Variants in FBLN2 observed in about 807,000 individuals in gnomAD.
FBLN2 encodes fibulin-2.
Under a neutral mutation model 123.7 loss-of-function variants are expected in FBLN2, and 81 were observed. The ratio of observed to expected loss-of-function variants is 0.65; its 90% confidence interval spans 0.55 to 0.79. The LOEUF (loss-of-function observed/expected upper bound fraction) is 0.79. Ranked by LOEUF, FBLN2 falls within the 30% of genes least tolerant of loss-of-function variation. FBLN2 has a pLI of 0.00. For synonymous variants in FBLN2, 699 were observed against 701.4 expected (o/e 1.00, Z 0.05); for missense variants, 1,603 against 1,681.3 (o/e 0.95, Z 0.81).
At chr3:13,606,547 T>A (rs1705209967) in intron 2 of FBLN2, among the ~76,000 whole-genome samples, 1 of 152,244 alleles carries the variant, frequency 6.6e-6, no homozygotes, top group Admixed American at 6.5e-5. Flanking sequence ...CACATGTAAC[T>A]TTTGACTCCT....
At chr3:13,573,652 C>G (rs1324288298) in intron 2 of FBLN2, among the ~76,000 whole-genome samples, 1 of 152,276 alleles carries the variant, frequency 6.6e-6, no homozygotes, top group Non-Finnish European at 1.5e-5. Flanking sequence ...GCCTGTAATC[C>G]CAGCACTTTG....
intron 2 of FBLN2, among the ~76,000 whole-genome samples, chr3:13,593,131 C>T (rs1704729225): frequency 6.6e-6 from 1 of 152,170 alleles, no homozygotes; most frequent in Non-Finnish European, 1.5e-5. Context: ...ATAGATGCCA[C>T]TTCTCAATGG....
Position 13,571,316 on chromosome 3 carries a change from G to A in FBLN2, c.961G>A (p.Glu321Lys), listed in dbSNP as rs1035678107. Residue 321 changes from glutamate to lysine, a missense_variant, in exon 2 of 18, where the codon GAG (glutamate) becomes AAG (lysine). Transcript: ENST00000404922. Reference protein sequence around the residue: ...APAGPSLPIQEERAEAGARAE... With the variant: ...APAGPSLPIQKERAEAGARAE... The stretch of plus-strand genomic sequence containing the variant: ...AGCTGGACCCAGTCTTCCTATCCAG[G>A]AGGAGAGGGCAGAAGCTGGGGCAAG... The A allele has an allele frequency of 6.2e-7, 1 of 1,600,418 alleles. No homozygotes were observed. Among genetic ancestry groups the A allele is most frequent in the East Asian group, 2.3e-5 (1 of 44,250 alleles).
At chr3:13,584,912 G>C (rs532020351) in intron 2 of FBLN2, among the ~76,000 whole-genome samples, 2 of 152,328 alleles carry the variant, frequency 1.3e-5, no homozygotes, top group South Asian at 4.1e-4. Context: ...GTGGGAACTT[G>C]AGCATGGAGC....
intron 4 of FBLN2, 39 bp downstream of exon 4, chr3:13,609,681 G>A: frequency 6.6e-7 from 1 of 1,517,158 alleles, no homozygotes; most frequent in Non-Finnish European, 8.9e-7. Flanking sequence ...GGGTGGGGTG[G>A]GGCGGGGCGG....
intron 1 of FBLN2, among the ~76,000 whole-genome samples, chr3:13,559,705 C>CT (rs1559397877): frequency 6.6e-6 from 1 of 152,148 alleles, no homozygotes; most frequent in Non-Finnish European, 1.5e-5. Context: ...TCATTATGTG[C>CT]TTTTTTTGGT....
intron 2 of FBLN2, among the ~76,000 whole-genome samples, chr3:13,576,605 G>T (rs899311937): frequency 1.3e-5 from 2 of 152,200 alleles, no homozygotes; most frequent in African/African-American, 4.8e-5. Flanking sequence ...ATCTGAGCTG[G>T]CCAGGAACAG....
In FBLN2 at chr3:13,570,748, C is replaced by T; in HGVS notation, c.393C>T (p.Cys131=). Residue 131 remains cysteine (C), a synonymous_variant, in exon 2 of 18, where the codon TGC becomes TGT. Coordinates refer to ENST00000404922, the MANE Select transcript of FBLN2 (RefSeq NM_001004019.2). Reference sequence around the variant, plus strand: ...AGGCTGTAGTGGTGGCTGACAGCTGCCCACAGTGCGGCCAGGTGGGCTGCG... The same window carrying T: ...AGGCTGTAGTGGTGGCTGACAGCTGTCCACAGTGCGGCCAGGTGGGCTGCG... The part of the protein sequence containing the change: ...CIEAVVVADS[C]PQCGQVGCVH... 1 of 1,601,260 alleles carries T rather than the reference C, an allele frequency of 6.2e-7. No homozygotes were observed. The highest frequency in any genetic ancestry group is 8.5e-7 in the Non-Finnish European group (1 of 1,174,490).
At chr3:13,618,505 C>T (rs535578551) in intron 6 of FBLN2, among the ~76,000 whole-genome samples, 3 of 152,218 alleles carry the variant, frequency 2.0e-5, no homozygotes, top group African/African-American at 7.2e-5. Context: ...GGCCCCAGCA[C>T]CTTGTCCCAT....
chr3:13,568,812 G>A (rs1574948308), intron 1 of FBLN2: 2 of 985,626 alleles, frequency 2.0e-6, no homozygotes, highest in East Asian at 1.1e-4. Context: ...TTGCTCTTGG[G>A]TTTATTATCT....
intron 2 of FBLN2, among the ~76,000 whole-genome samples, chr3:13,601,317 A>T (rs889364399): frequency 6.6e-6 from 1 of 152,252 alleles, no homozygotes; most frequent in African/African-American, 2.4e-5. Context: ...AGCTGTGCAG[A>T]AGAGAGGATA....
intron 4 of FBLN2, 38 bp downstream of exon 4, chr3:13,609,680 G>GT: frequency 6.6e-7 from 1 of 1,519,828 alleles, no homozygotes; most frequent in East Asian, 2.5e-5. Context: ...AGGGTGGGGT[G>GT]GGGCGGGGCG....
chr3:13,594,956 C>G (rs2124861377), intron 2 of FBLN2, among the ~76,000 whole-genome samples: 1 of 152,314 alleles, frequency 6.6e-6, no homozygotes, highest in South Asian at 2.1e-4. Flanking sequence ...ATGCTTGGCT[C>G]AGGAGCCTGC....
At chr3:13,622,121 C>T (rs1434718271) in intron 9 of FBLN2, among the ~76,000 whole-genome samples, 1 of 152,194 alleles carries the variant, frequency 6.6e-6, no homozygotes, top group Non-Finnish European at 1.5e-5. Context: ...AGGCTGCTTT[C>T]CCCAGGGACG....
rs534066768 is a variant in FBLN2, at chr3:13,554,043, G to A, written c.-42+4835G>A. On this transcript the variant is annotated intron_variant, in intron 1 of 17. Transcript: ENST00000404922. Reference sequence around the variant, plus strand: ...GAGCATTGCCTGGGCCTGAGCCCCCGGAGCCTGCATCATGAGGGATTTGTC... The same window carrying A: ...GAGCATTGCCTGGGCCTGAGCCCCCAGAGCCTGCATCATGAGGGATTTGTC... 1.5e-4 allele frequency among the ~76,000 whole-genome samples: 23 copies of A among 152,348 alleles called. No homozygotes were observed. The South Asian group carries it at 4.6e-3, about 30-fold the overall frequency.
intron 16 of FBLN2, among the ~76,000 whole-genome samples, chr3:13,631,747 G>T (rs1044016368): frequency 1.2e-4 from 19 of 152,312 alleles, no homozygotes; most frequent in African/African-American, 4.1e-4. Flanking sequence ...TTCTACGGAG[G>T]CACGAAGCCT....
At chr3:13,634,188 T>C (rs1347869372) in intron 16 of FBLN2, among the ~76,000 whole-genome samples, 1 of 152,202 alleles carries the variant, frequency 6.6e-6, no homozygotes, top group Non-Finnish European at 1.5e-5. Context: ...AGGACTCCCC[T>C]GTTTCGTCCT....
At chr3:13,578,680 T>C (rs1349709397) in intron 2 of FBLN2, among the ~76,000 whole-genome samples, 1 of 152,170 alleles carries the variant, frequency 6.6e-6, no homozygotes, top group Non-Finnish European at 1.5e-5. Flanking sequence ...TATGGACACA[T>C]GTTTTCATTC....
At chr3:13,580,422 C>T (rs3773287) in intron 2 of FBLN2, among the ~76,000 whole-genome samples, 1 of 152,020 alleles carries the variant, frequency 6.6e-6, no homozygotes, top group East Asian at 1.9e-4. Flanking sequence ...TTGCAGGAGC[C>T]GGGGAGACAG....
Sources: allele counts gnomAD v4.1 joint callset (sites outside exome capture counted in the v4.1 genomes callset), GRCh38; gene constraint gnomAD v4.1.1; transcripts MANE v1.5; gene names NCBI Gene and HGNC (gene_info 2026-07-23, HGNC 2026-07-21).